SULT6B1: variants seen among roughly 807,000 people sequenced by gnomAD.
The protein encoded by SULT6B1 is sulfotransferase 6B1.
In SULT6B1, 44 loss-of-function variants were observed where a neutral mutation model predicts 37.2. That is an observed-to-expected ratio of 1.18 (90% confidence interval 0.93 to 1.52). SULT6B1 has a LOEUF of 1.52. Among genes scored for constraint, SULT6B1 ranks in the 40% most tolerant of loss-of-function variants. The probability of loss-of-function intolerance (pLI) is 0.00; values close to 1 mark genes in which losing one functional copy is unlikely to be tolerated. For missense variants in SULT6B1, 450 were observed against 361.0 expected (o/e 1.25, Z -2.00); for synonymous variants, 140 against 126.0 (o/e 1.11, Z -0.74).
intron 1 of SULT6B1, 129 bp downstream of exon 1, chr2:37,188,313 C>T: frequency 1.4e-6 from 1 of 708,564 alleles, no homozygotes; most frequent in African/African-American, 1.8e-5. Context: ...ACCACTGTGG[C>T]CCTCCTCCTC....
intron 1 of SULT6B1, among the ~76,000 whole-genome samples, chr2:37,187,927 T>C (rs1676708509): frequency 6.6e-6 from 1 of 152,136 alleles, no homozygotes; most frequent in African/African-American, 2.4e-5. Flanking sequence ...CAAAAGGAGA[T>C]GGTAGAAAGC....
chr2:37,193,340 T>C (rs907180917), upstream of SULT6B1, among the ~76,000 whole-genome samples: 2 of 149,346 alleles, frequency 1.3e-5, no homozygotes, highest in East Asian at 2.0e-4. Context: ...TGCGTGCCTG[T>C]AGTCCCAACT....
At chr2:37,195,068 G>T (rs1266754954) in intron 1 of SULT6B1, among the ~76,000 whole-genome samples, 1 of 151,978 alleles carries the variant, frequency 6.6e-6, no homozygotes, top group African/African-American at 2.4e-5. Flanking sequence ...TCCTGCCTTA[G>T]ATTTCCGAAT....
intron 4 of SULT6B1, among the ~76,000 whole-genome samples, chr2:37,176,824 C>T (rs1270110354): frequency 6.6e-6 from 1 of 152,004 alleles, no homozygotes; most frequent in East Asian, 1.9e-4. Context: ...ATGGTTCTGC[C>T]CAGTGAGACA....
upstream of SULT6B1, among the ~76,000 whole-genome samples, chr2:37,190,458 C>T (rs563201336): frequency 6.6e-6 from 1 of 152,330 alleles, no homozygotes; most frequent in South Asian, 2.1e-4. Context: ...GCATGTACCA[C>T]ATCCCCTTCC....
At position 37,195,240 on chromosome 2, in the gene SULT6B1, G is replaced by A. The variant is rs113835321; in HGVS notation, c.-22+1276C>T. Among the ~76,000 whole-genome samples, 775 of 152,128 alleles carry A rather than the reference G, an allele frequency of 5.1e-3. 7 individuals are homozygous for A. The highest frequency in any genetic ancestry group is 0.018 in the African/African-American group (732 of 41,496). ...GCTGGGATTACAGGTGTGAGCCACC[G>A]CACCAAGCCCCAATAGCTTTTTCAT... is the stretch of plus-strand genomic sequence containing the variant. On this transcript the variant is annotated intron_variant, in intron 1 of 7. Transcript: ENST00000407963.
intron 1 of SULT6B1, among the ~76,000 whole-genome samples, 196 bp downstream of exon 1, chr2:37,188,246 C>T (rs1177491075): frequency 6.6e-6 from 1 of 152,100 alleles, no homozygotes; most frequent in Non-Finnish European, 1.5e-5. Context: ...TTCCTTCAGA[C>T]ACTGGAGTTT....
chr2:37,174,609 A>G (rs1289465958), intron 5 of SULT6B1, among the ~76,000 whole-genome samples: 1 of 151,964 alleles, frequency 6.6e-6, no homozygotes, highest in East Asian at 1.9e-4. Flanking sequence ...CACATACTAT[A>G]TACATTTTAA....
chr2:37,183,558 A>ATGTG, intron 2 of SULT6B1, 44 bp from the exon 3 acceptor site: 2 of 1,434,570 alleles, frequency 1.4e-6, no homozygotes, highest in Non-Finnish European at 2.0e-6. Context: ...ACGTGTGTGC[A>ATGTG]TGTGTGTGTG....
chr2:37,185,834 A>T (rs1676662038), intron 2 of SULT6B1, among the ~76,000 whole-genome samples: 1 of 152,000 alleles, frequency 6.6e-6, no homozygotes, highest in Non-Finnish European at 1.5e-5. Context: ...AAAGGCCTGG[A>T]CAGGAGAAGT....
In SULT6B1 at chr2:37,171,534, C is replaced by G. The variant is rs1043994307; in HGVS notation, c.681G>C (p.Gly227=). 1 of 1,613,922 alleles carries G rather than the reference C, an allele frequency of 6.2e-7. No homozygotes were observed. The highest frequency in any genetic ancestry group is 8.5e-7 in the Non-Finnish European group (1 of 1,179,998). ...IAEFLGFFLT[G]EQIQTISVQS... ...GGACTGAGATAGTTTGAATTTGCTCCCCAGTTAGAAAGAATCCCAAGAACT... is the reference window on the plus strand; with the variant it reads ...GGACTGAGATAGTTTGAATTTGCTCGCCAGTTAGAAAGAATCCCAAGAACT... The change falls in exon 6 of 7, where the codon GGG becomes GGC. Residue 227 remains glycine, a synonymous_variant. Transcript: ENST00000535679.
At chr2:37,193,361 C>A (rs1437858338), upstream of SULT6B1, among the ~76,000 whole-genome samples, 1 of 150,702 alleles carries the variant, frequency 6.6e-6, no homozygotes. Flanking sequence ...ACTTGGGAGG[C>A]CAAGGCAAGA....
At chr2:37,185,453 A>G (rs1262807191) in intron 2 of SULT6B1, among the ~76,000 whole-genome samples, 1 of 152,184 alleles carries the variant, frequency 6.6e-6, no homozygotes, top group African/African-American at 2.4e-5. Context: ...GTGGTGGCTC[A>G]TGCCTGTAAT....
intron 1 of SULT6B1, chr2:37,194,645 G>T: frequency 3.4e-6 from 1 of 293,688 alleles, no homozygotes. Context: ...CTCTGTGGAT[G>T]TGCTTGTGAA....
At chr2:37,183,592 G>C in intron 2 of SULT6B1, 78 bp from the exon 3 acceptor site, 1 of 1,092,954 alleles carries the variant, frequency 9.1e-7, no homozygotes, top group Non-Finnish European at 1.4e-6. Context: ...TCCTAGGTTT[G>C]GTATCTAAGT....
chr2:37,174,427 G>T (rs1276745704), intron 5 of SULT6B1, among the ~76,000 whole-genome samples: 1 of 151,276 alleles, frequency 6.6e-6, no homozygotes, highest in Non-Finnish European at 1.5e-5. Context: ...CGAACTCCTG[G>T]CCTGAAGTGA....
In SULT6B1 at chr2:37,168,066, C is replaced by T. The variant is rs1452911896; in HGVS notation, c.782-1G>A. On this transcript the variant is annotated splice_acceptor_variant, in intron 6 of 6. Transcript: ENST00000535679. LOFTEE classifies it high-confidence loss of function. ...AAATTTTTCCAATCACCAACTTCACCTACAACACACAAAAAACAGTAGACC... is the reference window on the plus strand; with the variant it reads ...AAATTTTTCCAATCACCAACTTCACTTACAACACACAAAAAACAGTAGACC... 3.2e-6 allele frequency: 5 copies of T among 1,578,718 alleles called. No homozygotes were observed.
intron 5 of SULT6B1, among the ~76,000 whole-genome samples, chr2:37,172,762 C>A (rs1036966438): frequency 6.6e-6 from 1 of 152,230 alleles, no homozygotes; most frequent in Non-Finnish European, 1.5e-5. Context: ...CCCGCCTTGG[C>A]CTCCCAAAGT....
intron 4 of SULT6B1, among the ~76,000 whole-genome samples, chr2:37,178,481 C>T (rs142076643): frequency 0.023 from 3,526 of 152,252 alleles, 63 homozygotes; most frequent in Middle Eastern, 0.054. Context: ...AGTCATCCGC[C>T]CGCCTCGGCC....
Sources: allele counts gnomAD v4.1 joint callset (sites outside exome capture counted in the v4.1 genomes callset), GRCh38; gene constraint gnomAD v4.1.1; transcripts MANE v1.5; gene names NCBI Gene and HGNC (gene_info 2026-07-23, HGNC 2026-07-21).